The following CPNE4 variants were observed in gnomAD, a reference collection of about 807,000 sequenced individuals.
The protein encoded by CPNE4 is copine 4.
In CPNE4, 25 loss-of-function variants were observed where a neutral mutation model predicts 67.9. The observed-to-expected ratio is 0.37, with a 90% CI of 0.27 to 0.51. The LOEUF is 0.51. Among genes scored for constraint, CPNE4 ranks in the 20% least tolerant of loss-of-function variants. CPNE4 has a pLI of 0.93. For missense variants in CPNE4, 464 were observed against 690.8 expected (o/e 0.67, Z 3.68); for synonymous variants, 242 against 244.9 (o/e 0.99, Z 0.11).
chr3:131,975,774 A>G (rs1444947087), intron 1 of CPNE4, among the ~76,000 whole-genome samples: 2 of 152,212 alleles, frequency 1.3e-5, no homozygotes, highest in Admixed American at 6.5e-5. Flanking sequence ...AATCATAAAC[A>G]TATATATGCA....
intron 6 of CPNE4, among the ~76,000 whole-genome samples, chr3:131,683,044 C>T (rs1275066564): frequency 1.3e-5 from 2 of 152,128 alleles, no homozygotes; most frequent in Non-Finnish European, 2.9e-5. Flanking sequence ...GTGGACTCCT[C>T]TCTTACCCAA....
At chr3:131,604,067 C>T (rs1475455187) in intron 7 of CPNE4, among the ~76,000 whole-genome samples, 1 of 152,076 alleles carries the variant, frequency 6.6e-6, no homozygotes, top group Non-Finnish European at 1.5e-5. Flanking sequence ...TTGCATCATA[C>T]TTCTTATTAA....
chr3:131,861,123 A>G (rs1362620590), intron 2 of CPNE4, among the ~76,000 whole-genome samples: 3 of 152,220 alleles, frequency 2.0e-5, no homozygotes, highest in Admixed American at 6.5e-5. Context: ...AGAAAACCAC[A>G]TATTTGGAGT....
intron 7 of CPNE4, among the ~76,000 whole-genome samples, chr3:131,665,158 C>T (rs538844798): frequency 2.6e-5 from 4 of 152,070 alleles, no homozygotes; most frequent in South Asian, 2.1e-4. Context: ...CCCAGGAGTT[C>T]GAGACCAGCC....
chr3:131,978,482 ATATTTATATATATT>A (rs1461885561), intron 1 of CPNE4, among the ~76,000 whole-genome samples: 3 of 66,982 alleles, frequency 4.5e-5, no homozygotes, highest in African/African-American at 2.1e-4. Flanking sequence ...ATATTTATAT[ATATTTATATATATT>A]TATATATTTA....
intron 2 of CPNE4, among the ~76,000 whole-genome samples, chr3:131,775,971 A>T (rs2083281189): frequency 6.6e-6 from 1 of 152,162 alleles, no homozygotes. Context: ...CCTCATGCAC[A>T]AATGTGATCC....
intron 9 of CPNE4, among the ~76,000 whole-genome samples, chr3:131,576,315 T>C (rs1028492645): frequency 1.4e-4 from 21 of 152,126 alleles, no homozygotes; most frequent in African/African-American, 4.3e-4. Flanking sequence ...GACACTGTGC[T>C]ACTGTGTCTG....
At chr3:131,711,337 C>T (rs1031839855) in intron 3 of CPNE4, among the ~76,000 whole-genome samples, 2 of 152,180 alleles carry the variant, frequency 1.3e-5, no homozygotes, top group Non-Finnish European at 2.9e-5. Flanking sequence ...TTTTCTGATT[C>T]GGTCTTGCTG....
intron 7 of CPNE4, among the ~76,000 whole-genome samples, chr3:131,611,661 T>G (rs1457870341): frequency 6.6e-6 from 1 of 152,058 alleles, no homozygotes; most frequent in Non-Finnish European, 1.5e-5. Context: ...GAATGTCTTT[T>G]TTTTTTTTAG....
intron 7 of CPNE4, among the ~76,000 whole-genome samples, chr3:131,637,701 C>T (rs2079430132): frequency 6.6e-6 from 1 of 152,076 alleles, no homozygotes; most frequent in African/African-American, 2.4e-5. Context: ...CTGGGAAATT[C>T]ATCACAAAAA....
intron 1 of CPNE4, among the ~76,000 whole-genome samples, chr3:132,018,873 A>G (rs2073937885): frequency 6.6e-6 from 1 of 152,232 alleles, no homozygotes; most frequent in African/African-American, 2.4e-5. Context: ...ATGCCCTAAT[A>G]TAGCACTGCT....
chr3:131,564,721 C>A (rs749496612), intron 10 of CPNE4, among the ~76,000 whole-genome samples: 24 of 151,978 alleles, frequency 1.6e-4, no homozygotes, highest in Admixed American at 2.6e-4. Flanking sequence ...ACTCCCTGGG[C>A]AGAACAATTC....
chr3:131,555,610 A>G, intron 11 of CPNE4, 59 bp from the exon 12 acceptor site: 1 of 1,465,454 alleles, frequency 6.8e-7, no homozygotes, highest in Non-Finnish European at 9.5e-7. Context: ...TCATTTAATG[A>G]GAAAGAAAAA....
chr3:131,984,482 C>T (rs1003319505), intron 1 of CPNE4, among the ~76,000 whole-genome samples: 30 of 152,166 alleles, frequency 2.0e-4, no homozygotes, highest in Non-Finnish European at 3.8e-4. Context: ...TAACTCTTCT[C>T]CCCCACCTCT....
intron 13 of CPNE4, among the ~76,000 whole-genome samples, chr3:131,550,855 G>T (rs1047470408): frequency 7.2e-5 from 11 of 152,108 alleles, no homozygotes; most frequent in African/African-American, 2.7e-4. Flanking sequence ...CCAGGAAATA[G>T]AAAAGGATGG....
chr3:131,548,446 G>A (rs1331658650), intron 14 of CPNE4, among the ~76,000 whole-genome samples: 1 of 151,036 alleles, frequency 6.6e-6, no homozygotes, highest in Non-Finnish European at 1.5e-5. Context: ...ATGATGATGG[G>A]TACTAAGAAG....
chr3:131,902,802 C>T (rs2088602889), intron 2 of CPNE4, among the ~76,000 whole-genome samples: 1 of 151,924 alleles, frequency 6.6e-6, no homozygotes, highest in African/African-American at 2.4e-5. Context: ...ATAATGTAGG[C>T]ATTCCATTTA....
intron 7 of CPNE4, among the ~76,000 whole-genome samples, chr3:131,597,803 A>G (rs941242766): frequency 1.3e-5 from 2 of 152,220 alleles, no homozygotes; most frequent in Admixed American, 1.3e-4. Context: ...ATTGCTAATT[A>G]CATGGTAATC....
At chr3:131,848,476 A>G (rs1560457090) in intron 2 of CPNE4, among the ~76,000 whole-genome samples, 1 of 152,138 alleles carries the variant, frequency 6.6e-6, no homozygotes, top group East Asian at 1.9e-4. Flanking sequence ...GTGAGCAAAA[A>G]TGACAAAACA....
Sources: allele counts gnomAD v4.1 joint callset (sites outside exome capture counted in the v4.1 genomes callset), GRCh38; gene constraint gnomAD v4.1.1; transcripts MANE v1.5; gene names NCBI Gene and HGNC (gene_info 2026-07-23, HGNC 2026-07-21).